Variants in OLFM3 observed in about 807,000 individuals in gnomAD.
OLFM3 encodes the protein noelin-3.
Under a neutral mutation model 48.6 loss-of-function variants are expected in OLFM3, and 20 were observed. The observed-to-expected ratio is 0.41, with a 90% CI of 0.29 to 0.60. The LOEUF is 0.60. Ranked by LOEUF, OLFM3 falls within the 20% of genes least tolerant of loss-of-function variation. OLFM3 has a pLI of 0.28. For synonymous variants in OLFM3, 222 were observed against 198.1 expected, an observed-to-expected ratio of 1.12 and a Z score of -1.01; for missense variants, 437 against 544.3, an observed-to-expected ratio of 0.80 and a Z score of 1.96.
intron 1 of OLFM3, among the ~76,000 whole-genome samples, chr1:101,896,488 CTTTT>C (rs35260761): frequency 1.3e-5 from 1 of 76,694 alleles, no homozygotes; most frequent in Non-Finnish European, 2.3e-5. Flanking sequence ...TGCTTACACA[CTTTT>C]TTTTTTTTTT....
intron 1 of OLFM3, among the ~76,000 whole-genome samples, chr1:101,865,324 C>T (rs185605862): frequency 1.1e-3 from 170 of 152,224 alleles, no homozygotes; most frequent in South Asian, 2.1e-3. Context: ...TTTGATCCTG[C>T]GGGCTTACTT....
At chr1:101,966,629 G>A (rs1660617602) in intron 1 of OLFM3, among the ~76,000 whole-genome samples, 2 of 152,114 alleles carry the variant, frequency 1.3e-5, no homozygotes, top group Admixed American at 1.3e-4. Context: ...CTGATCTAGT[G>A]TTAGGAAAAT....
intron 1 of OLFM3, among the ~76,000 whole-genome samples, chr1:101,925,223 C>G (rs887009337): frequency 6.7e-6 from 1 of 150,302 alleles, no homozygotes; most frequent in Non-Finnish European, 1.5e-5. Context: ...AGATGGAAGG[C>G]AGTCAGACTG....
intron 1 of OLFM3, among the ~76,000 whole-genome samples, chr1:101,895,162 T>C (rs989597207): frequency 2.0e-5 from 3 of 152,090 alleles, no homozygotes; most frequent in Non-Finnish European, 2.9e-5. Context: ...GTATAACCTT[T>C]ATTTCTAACC....
At chr1:101,877,208 T>C (rs1217958116) in intron 1 of OLFM3, among the ~76,000 whole-genome samples, 1 of 152,002 alleles carries the variant, frequency 6.6e-6, no homozygotes, top group Non-Finnish European at 1.5e-5. Flanking sequence ...AAGTCTGGAT[T>C]CGCAAGTTGA....
Position 101,804,012 on chromosome 1 carries a change from T to C in OLFM3, c.*226A>G, listed in dbSNP as rs1653629539. 1 of 344,482 alleles carries C rather than the reference T, an allele frequency of 2.9e-6. No homozygotes were observed. The highest frequency in any genetic ancestry group is 2.1e-5 in the African/African-American group (1 of 46,972). 21.3% of individuals were successfully genotyped at this position (344,482 alleles called of 1,614,324 possible). On this transcript the variant is annotated 3_prime_UTR_variant, in exon 6 of 6. Transcript: ENST00000370103. The surrounding 1 kb of genome is among the most constrained non-coding windows in gnomAD (Gnocchi z 4.5). ...AAACTCTTTTTTTTTTTAGTGCTTT[T>C]CATGACAAGGACATGATAGGCCTTG...
intron 4 of OLFM3, among the ~76,000 whole-genome samples, chr1:101,813,328 T>C (rs1654162427): frequency 1.3e-5 from 2 of 152,186 alleles, no homozygotes. Context: ...ACCTGAAATA[T>C]ATCTTATGTT....
intron 2 of OLFM3, among the ~76,000 whole-genome samples, chr1:101,835,053 C>G (rs1655334383): frequency 1.3e-5 from 2 of 151,990 alleles, no homozygotes; most frequent in Admixed American, 6.6e-5. Context: ...ATATGTAATG[C>G]TGTACTGAAA....
intron 1 of OLFM3, among the ~76,000 whole-genome samples, chr1:101,902,876 G>T (rs753584457): frequency 3.3e-5 from 5 of 152,052 alleles, no homozygotes; most frequent in Non-Finnish European, 5.9e-5. Flanking sequence ...GTCTGTGAGA[G>T]TTATATCTGT....
chr1:101,843,919 C>A lies in OLFM3; in HGVS notation c.70-6894G>T, dbSNP rs1024099425. On this transcript the variant is annotated intron_variant, in intron 1 of 5. Transcript: ENST00000370103. ...ATGAACATTCAGATTTCAAGACCTG[C>A]GTGTGCGTGTGCGTGTGGTATATTG... Among the ~76,000 whole-genome samples the A allele has an allele frequency of 2.0e-5, 3 of 151,508 alleles. No individual in the cohort carries two copies. The East Asian group carries it at 5.8e-4, about 29-fold the overall frequency.
chr1:101,845,331 A>G (rs1264132535), intron 1 of OLFM3, among the ~76,000 whole-genome samples: 1 of 152,180 alleles, frequency 6.6e-6, no homozygotes, highest in African/African-American at 2.4e-5. Flanking sequence ...TAAGATAACT[A>G]GAAATCCTAA....
At chr1:101,882,329 A>AT (rs1557714834) in intron 1 of OLFM3, among the ~76,000 whole-genome samples, 17 of 100,472 alleles carry the variant, frequency 1.7e-4, no homozygotes, top group East Asian at 1.2e-3. Flanking sequence ...ATATATATAT[A>AT]TAATATATAT....
At chr1:101,981,201 A>G (rs962505742) in intron 1 of OLFM3, among the ~76,000 whole-genome samples, 1 of 151,974 alleles carries the variant, frequency 6.6e-6, no homozygotes, top group East Asian at 1.9e-4. Context: ...CCTCCCTCTC[A>G]GCTGCTGACC....
intron 2 of OLFM3, among the ~76,000 whole-genome samples, chr1:101,835,132 G>C (rs896818590): frequency 1.5e-4 from 23 of 152,150 alleles, no homozygotes; most frequent in African/African-American, 5.5e-4. Context: ...TAGAAAAAAA[G>C]ATATTTCTGG....
At chr1:101,814,965 C>T (rs1385039174) in intron 4 of OLFM3, among the ~76,000 whole-genome samples, 1 of 152,092 alleles carries the variant, frequency 6.6e-6, no homozygotes, top group Non-Finnish European at 1.5e-5. Context: ...ACACTTGGAA[C>T]AGAAGAAGAC....
intron 1 of OLFM3, among the ~76,000 whole-genome samples, chr1:101,865,080 G>A (rs991279271): frequency 5.9e-5 from 9 of 152,136 alleles, no homozygotes; most frequent in African/African-American, 2.2e-4. Context: ...AAGTTGATTA[G>A]TATTTCTGCC....
intron 1 of OLFM3, among the ~76,000 whole-genome samples, chr1:101,913,080 G>T (rs7534442): frequency 0.29 from 43,977 of 152,086 alleles, 6,419 homozygotes; most frequent in East Asian, 0.38. Flanking sequence ...TCTTGAAAGT[G>T]TGTAAGGAGC....
intron 1 of OLFM3, among the ~76,000 whole-genome samples, chr1:101,888,052 T>C (rs928706018): frequency 1.3e-5 from 2 of 152,046 alleles, no homozygotes; most frequent in Admixed American, 1.3e-4. Context: ...GAAGTAATTA[T>C]GGCATGATTC....
At chr1:101,911,945 T>C (rs1658772681) in intron 1 of OLFM3, among the ~76,000 whole-genome samples, 1 of 152,344 alleles carries the variant, frequency 6.6e-6, no homozygotes, top group Non-Finnish European at 1.5e-5. Context: ...TAGTTCAAGT[T>C]GCTTTGTTAT....
Sources: allele counts gnomAD v4.1 joint callset (sites outside exome capture counted in the v4.1 genomes callset), GRCh38; gene constraint gnomAD v4.1.1; non-coding constraint Gnocchi (gnomAD v3.1); transcripts MANE v1.5; gene names NCBI Gene and HGNC (gene_info 2026-07-23, HGNC 2026-07-21).